The following HELZ variants were observed in gnomAD, a reference collection of about 807,000 sequenced individuals.
The protein encoded by HELZ is ATP-dependent RNA helicase with zinc finger domain.
HELZ carries 23 observed loss-of-function variants against 218.2 expected under a neutral mutation model. That is an observed-to-expected ratio of 0.11 (90% confidence interval 0.08 to 0.15). HELZ has a LOEUF of 0.15. Among genes scored for constraint, HELZ ranks in the 10% least tolerant of loss-of-function variants. The pLI is 1.00. For synonymous variants in HELZ, 814 were observed against 829.4 expected (o/e 0.98, Z 0.32); for missense variants, 1,813 against 2,353.7 (o/e 0.77, Z 4.75).
chr17:67,145,940 A>C (rs1381982209), intron 20 of HELZ, 50 bp from the exon 21 acceptor site: 2 of 1,529,094 alleles, frequency 1.3e-6, no homozygotes, highest in African/African-American at 1.4e-5. Flanking sequence ...CATCAAAATT[A>C]ATTTCACCCA....
At chr17:67,173,789 C>T (rs921428984) in intron 13 of HELZ, among the ~76,000 whole-genome samples, 3 of 150,598 alleles carry the variant, frequency 2.0e-5, no homozygotes, top group Non-Finnish European at 3.0e-5. Flanking sequence ...ACCCATCTAA[C>T]GATGAAATGT....
At chr17:67,126,943 G>C (rs1476677730) in intron 24 of HELZ, among the ~76,000 whole-genome samples, 1 of 152,080 alleles carries the variant, frequency 6.6e-6, no homozygotes, top group Non-Finnish European at 1.5e-5. Context: ...CTCTTATACC[G>C]GGAGTCTTTT....
At chr17:67,167,845 A>G (rs1407610131) in intron 13 of HELZ, 49 bp from the exon 14 acceptor site, 1 of 1,239,062 alleles carries the variant, frequency 8.1e-7, no homozygotes, top group East Asian at 2.4e-5. Context: ...TCAAAAATAT[A>G]TAAAAACTAG....
In HELZ at chr17:67,167,676, A is replaced by C; in HGVS notation, c.1551T>G (p.Leu517=). 1 of 1,614,186 alleles carries C rather than the reference A, an allele frequency of 6.2e-7. No individual in the cohort carries two copies. The highest frequency in any genetic ancestry group is 1.6e-4 in the Middle Eastern group (1 of 6,062). The change falls in exon 14 of 33, where the codon CTT becomes CTG. Residue 517 remains leucine, a synonymous_variant. Coordinates refer to ENST00000358691, the MANE Select transcript of HELZ (RefSeq NM_014877.4). The part of the protein sequence containing the change: ...LFGRFKLTET[L]SEDTLAGRLV... ...GTCGTCCAGCCAAAGTATCTTCAGA[A>C]AGTGTTTCAGTAAGCTTAAAGCGAC...
chr17:67,208,311 G>C (rs976965785), intron 5 of HELZ, among the ~76,000 whole-genome samples: 3 of 152,166 alleles, frequency 2.0e-5, no homozygotes, highest in Non-Finnish European at 4.4e-5. Flanking sequence ...TCTTCACGAT[G>C]ATGGAGCAGT....
At chr17:67,111,410 G>A (rs1247950939) in intron 28 of HELZ, among the ~76,000 whole-genome samples, 3 of 152,072 alleles carry the variant, frequency 2.0e-5, no homozygotes, top group East Asian at 1.9e-4. Flanking sequence ...AATTTGGCAC[G>A]TCAATCTCCT....
At chr17:67,114,167 A>G (rs1199138166) in intron 28 of HELZ, among the ~76,000 whole-genome samples, 157 bp downstream of exon 28, 1 of 152,256 alleles carries the variant, frequency 6.6e-6, no homozygotes, top group Non-Finnish European at 1.5e-5. Context: ...AGAAAAGATG[A>G]AGAAAGAGAA....
intron 31 of HELZ, among the ~76,000 whole-genome samples, chr17:67,100,268 C>T (rs1373760517): frequency 6.6e-6 from 1 of 152,074 alleles, no homozygotes; most frequent in Non-Finnish European, 1.5e-5. Flanking sequence ...AAATAGATGG[C>T]TCAAAGTGTC....
rs187925129 is a variant in HELZ, at chr17:67,173,502, T to C, written c.1430+5157A>G. Among the ~76,000 whole-genome samples the C allele has an allele frequency of 1.7e-4, 26 of 152,342 alleles. No homozygotes were observed. The East Asian group carries it at 3.3e-3, about 19-fold the overall frequency. On this transcript the variant is annotated intron_variant, in intron 13 of 32. Coordinates refer to ENST00000358691, the MANE Select transcript of HELZ (RefSeq NM_014877.4). ...GATACTTCCATGCTAATGAGAAATA[T>C]GGCTCTATCAACCTTAGTAACAATT...
At chr17:67,133,851 G>A (rs1376067249) in intron 23 of HELZ, among the ~76,000 whole-genome samples, 1 of 152,050 alleles carries the variant, frequency 6.6e-6, no homozygotes, top group Non-Finnish European at 1.5e-5. Context: ...TCCCCTAATA[G>A]TTTCTAGTTG....
chr17:67,094,844 A>G (rs1236170774), intron 31 of HELZ, among the ~76,000 whole-genome samples: 1 of 152,210 alleles, frequency 6.6e-6, no homozygotes, highest in African/African-American at 2.4e-5. Context: ...AAAATAATGT[A>G]TTGCTTGTGA....
chr17:67,219,845 T>C (rs906044960), intron 3 of HELZ, among the ~76,000 whole-genome samples: 1 of 152,164 alleles, frequency 6.6e-6, no homozygotes, highest in Non-Finnish European at 1.5e-5. Context: ...ATCACTAAAA[T>C]AGTCCAAGTA....
intron 26 of HELZ, 121 bp from the exon 27 acceptor site, chr17:67,120,733 G>A (rs1458039563): frequency 1.5e-5 from 10 of 654,932 alleles, no homozygotes; most frequent in African/African-American, 7.3e-5. Flanking sequence ...ACACACAGAT[G>A]TTAATTTTCT....
At chr17:67,093,615 A>G (rs1260449685) in intron 31 of HELZ, among the ~76,000 whole-genome samples, 1 of 152,218 alleles carries the variant, frequency 6.6e-6, no homozygotes, top group Non-Finnish European at 1.5e-5. Context: ...GCCTACTAGG[A>G]CTGAGGAACT....
intron 7 of HELZ, among the ~76,000 whole-genome samples, chr17:67,196,594 A>G (rs1445153397): frequency 2.9e-5 from 4 of 137,388 alleles, no homozygotes; most frequent in Non-Finnish European, 6.2e-5. Flanking sequence ...GGATGGATGG[A>G]TGGATGGATG....
intron 32 of HELZ, among the ~76,000 whole-genome samples, chr17:67,084,967 A>G (rs1044347104): frequency 1.3e-5 from 2 of 152,006 alleles, no homozygotes; most frequent in African/African-American, 4.8e-5. Flanking sequence ...TTAGCTGGGC[A>G]TGGTGGCAGA....
Position 67,107,273 on chromosome 17 carries a change from G to T in HELZ, c.5137C>A (p.Pro1713Thr). 1 of 1,614,196 alleles carries T rather than the reference G, an allele frequency of 6.2e-7. No homozygotes were observed. Among genetic ancestry groups the T allele is most frequent in the South Asian group, 1.1e-5 (1 of 91,086 alleles). Residue 1713 changes from proline to threonine, a missense_variant, in exon 31 of 33, where the codon CCT (proline) becomes ACT (threonine). Pro to Thr is a conservative substitution (Grantham distance 38). This residue lies in a region of HELZ where 938 missense variants were observed against 1,027.5 expected (regional missense o/e 0.91). Transcript: ENST00000358691. ...PPLPHRPPQN[P>T]FVQIQNHQHA... ...TGATGATTCTGTATTTGTACAAAAGGGTTCTGCGGTGGCCTGTGAGGCAAT... is the reference window on the plus strand; with the variant it reads ...TGATGATTCTGTATTTGTACAAAAGTGTTCTGCGGTGGCCTGTGAGGCAAT...
intron 13 of HELZ, among the ~76,000 whole-genome samples, chr17:67,178,303 A>G (rs559488770): frequency 6.6e-6 from 1 of 152,278 alleles, no homozygotes; most frequent in African/African-American, 2.4e-5. Flanking sequence ...CGGTTGTTGT[A>G]TATCTGTTCA....
chr17:67,216,400 C>A (rs1289888370), intron 4 of HELZ, among the ~76,000 whole-genome samples: 1 of 152,174 alleles, frequency 6.6e-6, no homozygotes, highest in Admixed American at 6.5e-5. Context: ...CTCCAGCAAG[C>A]CTCCTCGACT....
Sources: allele counts gnomAD v4.1 joint callset (sites outside exome capture counted in the v4.1 genomes callset), GRCh38; gene constraint gnomAD v4.1.1; regional missense constraint gnomAD v4.1.1; transcripts MANE v1.5; gene names NCBI Gene and HGNC (gene_info 2026-07-23, HGNC 2026-07-21).